TMEFF1: variants seen among roughly 807,000 people sequenced by gnomAD.
TMEFF1 encodes the protein tomoregulin-1.
In TMEFF1, 20 loss-of-function variants were observed where a neutral mutation model predicts 47.5. That is an observed-to-expected ratio of 0.42 (90% confidence interval 0.30 to 0.61). The LOEUF (loss-of-function observed/expected upper bound fraction) is 0.61, where lower values mean the gene tolerates loss of function less well. Among genes scored for constraint, TMEFF1 ranks in the 20% least tolerant of loss-of-function variants. The probability of loss-of-function intolerance (pLI) is 0.19; values close to 1 mark genes in which losing one functional copy is unlikely to be tolerated. For synonymous variants in TMEFF1, 162 were observed against 166.3 expected (o/e 0.97, Z 0.20); for missense variants, 411 against 471.1 (o/e 0.87, Z 1.18).
intron 7 of TMEFF1, among the ~76,000 whole-genome samples, chr9:100,553,811 C>G (rs1044085927): frequency 1.3e-5 from 2 of 152,158 alleles, no homozygotes; most frequent in African/African-American, 4.8e-5. Context: ...CTGTATACTT[C>G]CACCCGTGTG....
intron 7 of TMEFF1, among the ~76,000 whole-genome samples, chr9:100,559,124 A>G (rs747211861): frequency 6.6e-6 from 1 of 152,164 alleles, no homozygotes; most frequent in Non-Finnish European, 1.5e-5. Context: ...CTAGATTATT[A>G]AGGAGCTCAC....
At chr9:100,484,759 G>A (rs1837417188) in intron 1 of TMEFF1, among the ~76,000 whole-genome samples, 1 of 147,604 alleles carries the variant, frequency 6.8e-6, no homozygotes, top group Non-Finnish European at 1.5e-5. Flanking sequence ...GTGTGATCTT[G>A]GCGCCCTGCA....
At chr9:100,522,430 CTT>C (rs869111876) in intron 5 of TMEFF1, among the ~76,000 whole-genome samples, 1 of 69,650 alleles carries the variant, frequency 1.4e-5, no homozygotes. Flanking sequence ...GAAATATCTT[CTT>C]TTTTTTTTTT....
intron 4 of TMEFF1, among the ~76,000 whole-genome samples, chr9:100,514,973 G>A (rs1035863909): frequency 6.6e-6 from 1 of 151,634 alleles, no homozygotes; most frequent in African/African-American, 2.4e-5. Flanking sequence ...CCAGCCTGGG[G>A]GACAGAGCGA....
intron 2 of TMEFF1, among the ~76,000 whole-genome samples, chr9:100,507,419 CTTTGAGAAATCTCCA>C (rs1476055669): frequency 6.6e-6 from 1 of 152,152 alleles, no homozygotes; most frequent in African/African-American, 2.4e-5. Flanking sequence ...GTTTTAAGTT[CTTTGAGAAATCTCCA>C]AACTGCTCTC....
chr9:100,483,084 A>C (rs1837371416), intron 1 of TMEFF1, among the ~76,000 whole-genome samples: 2 of 152,092 alleles, frequency 1.3e-5, no homozygotes, highest in African/African-American at 4.8e-5. Context: ...GTCATTTATG[A>C]TAAAATTTCT....
In TMEFF1 at chr9:100,473,553, C is replaced by A; in HGVS notation, c.9C>A (p.Ala3=). 6.6e-7 allele frequency: 1 copy of A among 1,523,828 alleles called. No individual in the cohort carries two copies. Among genetic ancestry groups the A allele is most frequent in the Non-Finnish European group, 8.8e-7 (1 of 1,138,476 alleles). The allele number at this position is 1,523,828 out of a possible 1,614,324, so 94.4% of individuals were successfully genotyped here. A position where few individuals can be genotyped will look rare whatever the true frequency, so the allele number is the denominator to read the frequency against. The change falls in exon 1 of 10, where the codon GCC becomes GCA. Residue 3 remains alanine (A), a synonymous_variant. Coordinates refer to ENST00000374879, the MANE Select transcript of TMEFF1 (RefSeq NM_003692.5). This position sits in a 1 kb window ranked among gnomAD's most constrained non-coding sequence, Gnocchi z 5.4. The stretch of plus-strand genomic sequence containing the variant: ...GTCCAGGGGCACCAGTCATGGGCGC[C>A]GCAGCCGCTGAGGCGCCGCTCCGGC... The part of the protein sequence containing the change: MG[A]AAAEAPLRLP...
chr9:100,486,885 G>A (rs80010966), intron 1 of TMEFF1, among the ~76,000 whole-genome samples: 15,510 of 152,178 alleles, frequency 0.1, 996 homozygotes, highest in Middle Eastern at 0.18. Flanking sequence ...TGATACTCCC[G>A]CCTCAGCCTC....
chr9:100,491,369 A>C (rs1041937484), intron 1 of TMEFF1, among the ~76,000 whole-genome samples: 3 of 152,222 alleles, frequency 2.0e-5, no homozygotes, highest in Non-Finnish European at 4.4e-5. Flanking sequence ...CTAGACAGTC[A>C]GTATAAACTC....
intron 5 of TMEFF1, among the ~76,000 whole-genome samples, chr9:100,531,535 G>A (rs1015026268): frequency 6.6e-6 from 1 of 152,098 alleles, no homozygotes; most frequent in Non-Finnish European, 1.5e-5. Context: ...TACAAGGGAT[G>A]TGAAGGACCT....
intron 1 of TMEFF1, among the ~76,000 whole-genome samples, chr9:100,476,533 T>C (rs893016385): frequency 2.0e-5 from 3 of 151,974 alleles, no homozygotes; most frequent in African/African-American, 7.3e-5. Context: ...TAGCTGGGAC[T>C]ACAGGCGCCC....
intron 2 of TMEFF1, among the ~76,000 whole-genome samples, chr9:100,507,704 C>T (rs2118354705): frequency 6.6e-6 from 1 of 152,070 alleles, no homozygotes; most frequent in South Asian, 2.1e-4. Context: ...AATTATTTGC[C>T]TTTTGCTTGT....
At chr9:100,495,436 C>T (rs779044510) in intron 1 of TMEFF1, among the ~76,000 whole-genome samples, 1 of 152,088 alleles carries the variant, frequency 6.6e-6, no homozygotes, top group African/African-American at 2.4e-5. Context: ...CCAGTTTTGT[C>T]CCCTGTCTCT....
intron 5 of TMEFF1, among the ~76,000 whole-genome samples, chr9:100,517,525 G>T (rs1408872619): frequency 6.6e-6 from 1 of 152,128 alleles, no homozygotes; most frequent in Non-Finnish European, 1.5e-5. Flanking sequence ...TAGCATTAAT[G>T]TCCAAAGTTA....
At chr9:100,571,708 T>C (rs1358651554) in intron 8 of TMEFF1, among the ~76,000 whole-genome samples, 1 of 152,222 alleles carries the variant, frequency 6.6e-6, no homozygotes, top group Non-Finnish European at 1.5e-5. Context: ...GCACTTTATT[T>C]CTATTATTAT....
intron 5 of TMEFF1, among the ~76,000 whole-genome samples, chr9:100,529,599 T>C (rs1587839383): frequency 1.3e-5 from 2 of 152,154 alleles, no homozygotes; most frequent in African/African-American, 4.8e-5. Context: ...AAGCAAGTCC[T>C]GAGTGACCTA....
intron 1 of TMEFF1, among the ~76,000 whole-genome samples, chr9:100,476,712 T>C (rs1256768262): frequency 1.3e-5 from 2 of 149,000 alleles, no homozygotes; most frequent in Non-Finnish European, 3.0e-5. Context: ...TTTTTTTTTT[T>C]TTGAGACGGA....
chr9:100,499,585 A>G (rs1190874339), intron 2 of TMEFF1, among the ~76,000 whole-genome samples: 2 of 152,140 alleles, frequency 1.3e-5, no homozygotes, highest in Non-Finnish European at 2.9e-5. Context: ...CGTACCCACC[A>G]TTTGGGTTTT....
At chr9:100,532,056 G>A (rs1019843724) in intron 5 of TMEFF1, among the ~76,000 whole-genome samples, 1 of 151,754 alleles carries the variant, frequency 6.6e-6, no homozygotes, top group African/African-American at 2.4e-5. Context: ...AGCTGAAACT[G>A]GATCCCTTCC....
Sources: allele counts gnomAD v4.1 joint callset (sites outside exome capture counted in the v4.1 genomes callset), GRCh38; gene constraint gnomAD v4.1.1; non-coding constraint Gnocchi (gnomAD v3.1); transcripts MANE v1.5; gene names NCBI Gene and HGNC (gene_info 2026-07-23, HGNC 2026-07-21).